Variants in PACS1 observed in about 807,000 individuals in gnomAD.
PACS1 encodes phosphofurin acidic cluster sorting protein 1.
A neutral mutation model predicts 115.0 loss-of-function variants in PACS1; 24 were observed. That is an observed-to-expected ratio of 0.21 (90% confidence interval 0.15 to 0.29). The LOEUF (loss-of-function observed/expected upper bound fraction) is 0.29, where lower values mean the gene tolerates loss of function less well. Among genes scored for constraint, PACS1 ranks in the 10% least tolerant of loss-of-function variants. The pLI is 1.00. For missense variants in PACS1, 838 were observed against 1,251.2 expected (o/e 0.67, Z 4.98); for synonymous variants, 453 against 504.5 (o/e 0.90, Z 1.37).
chr11:66,080,157 A>G (rs1032137954), intron 1 of PACS1, among the ~76,000 whole-genome samples: 1 of 152,198 alleles, frequency 6.6e-6, no homozygotes, highest in Admixed American at 6.5e-5. Flanking sequence ...TGATTTTCCT[A>G]TAGTGTTTTA....
chr11:66,098,761 T>C (rs1441429192), intron 1 of PACS1, among the ~76,000 whole-genome samples: 1 of 152,242 alleles, frequency 6.6e-6, no homozygotes. Context: ...GTCATCCCGG[T>C]TGTTCTTGTC....
At chr11:66,161,585 A>G (rs1859488679) in intron 1 of PACS1, among the ~76,000 whole-genome samples, 3 of 152,214 alleles carry the variant, frequency 2.0e-5, no homozygotes, top group Admixed American at 6.5e-5. Context: ...CTGGGCAATT[A>G]GAAAAAAAAG....
chr11:66,193,435 T>A (rs1170378762), intron 1 of PACS1, 51 bp from the exon 2 acceptor site: 1 of 1,294,134 alleles, frequency 7.7e-7, no homozygotes, highest in Non-Finnish European at 1.1e-6. Context: ...TTCATCACTT[T>A]TCTCGCAAGT....
chr11:66,151,485 C>T (rs546493473), intron 1 of PACS1, among the ~76,000 whole-genome samples: 3 of 152,146 alleles, frequency 2.0e-5, no homozygotes, highest in Admixed American at 6.5e-5. Flanking sequence ...TACACAGAAG[C>T]ATGGGAGACC....
At chr11:66,169,727 C>A (rs1590793557) in intron 1 of PACS1, among the ~76,000 whole-genome samples, 1 of 149,870 alleles carries the variant, frequency 6.7e-6, no homozygotes. Context: ...TTTTTAAATA[C>A]ATTATTTGTT....
chr11:66,226,040 C>T (rs1855464550), intron 10 of PACS1, among the ~76,000 whole-genome samples: 1 of 152,122 alleles, frequency 6.6e-6, no homozygotes, highest in East Asian at 1.9e-4. Flanking sequence ...GGCATGGTGG[C>T]AGACGCTTGT....
chr11:66,170,073 C>T (rs997960032), intron 1 of PACS1, among the ~76,000 whole-genome samples: 1 of 150,572 alleles, frequency 6.6e-6, no homozygotes, highest in Non-Finnish European at 1.5e-5. Flanking sequence ...TAGAAATCTA[C>T]CTTTTTCATC....
intron 1 of PACS1, among the ~76,000 whole-genome samples, chr11:66,148,684 G>T (rs1409608475): frequency 3.3e-5 from 5 of 152,166 alleles, no homozygotes; most frequent in African/African-American, 1.2e-4. Context: ...TCAGCACTTT[G>T]GGAGGCCAAG....
intron 21 of PACS1, chr11:66,240,888 GCCCTTCT>G (rs905435289): frequency 4.6e-5 from 7 of 152,386 alleles, no homozygotes; most frequent in African/African-American, 1.7e-4. Context: ...AGACATACCA[GCCCTTCT>G]CCCGGGAGCT....
chr11:66,099,016 TTTTTC>T (rs1042091109), intron 1 of PACS1, among the ~76,000 whole-genome samples: 1 of 152,040 alleles, frequency 6.6e-6, no homozygotes, highest in Non-Finnish European at 1.5e-5. Context: ...AATGCCATTG[TTTTTC>T]TTTTCTTTTC....
intron 1 of PACS1, among the ~76,000 whole-genome samples, chr11:66,156,853 G>GAA (rs35580702): frequency 7.2e-6 from 1 of 138,658 alleles, no homozygotes; most frequent in Admixed American, 7.3e-5. Flanking sequence ...ACTCTGTCTC[G>GAA]AAAAAAAAAA....
chr11:66,214,565 C>T (rs535010125), intron 4 of PACS1, among the ~76,000 whole-genome samples: 83 of 144,314 alleles, frequency 5.8e-4, no homozygotes, highest in African/African-American at 2.1e-3. Flanking sequence ...CTCCATCTTC[C>T]TTCCTTCCTT....
chr11:66,148,744 G>A (rs1017039576), intron 1 of PACS1, among the ~76,000 whole-genome samples: 4 of 152,092 alleles, frequency 2.6e-5, no homozygotes, highest in African/African-American at 7.2e-5. Context: ...TGGCCAACAT[G>A]GTGAAACCCC....
intron 1 of PACS1, among the ~76,000 whole-genome samples, chr11:66,091,974 A>G (rs1011477044): frequency 3.3e-5 from 5 of 152,258 alleles, no homozygotes; most frequent in Admixed American, 2.6e-4. Context: ...TAGTGCTGCA[A>G]TAAACATACG....
chr11:66,165,956 A>C (rs543462306), intron 1 of PACS1, among the ~76,000 whole-genome samples: 1 of 151,896 alleles, frequency 6.6e-6, no homozygotes, highest in Admixed American at 6.6e-5. Context: ...CAGCCTCCTA[A>C]CTGGTTTTCC....
rs770005837 is a variant in PACS1 at position 66,070,657 on chromosome 11, C to G, written c.171C>G (p.Ser57=). 85 of 1,566,298 alleles carry G rather than the reference C, an allele frequency of 5.4e-5. No individual in the cohort carries two copies. The highest frequency in any genetic ancestry group is 6.4e-5 in the Non-Finnish European group (74 of 1,162,528). ...AGCTGGCCCAGGCCACCTCGTCGTC[C>G]TCGTCCACCTCGGCGGCGGCTGCCT... ...PPKLAQATSS[S]SSTSAAAASS... Residue 57 remains serine, a synonymous_variant, in exon 1 of 24, where the codon TCC becomes TCG. Coordinates refer to ENST00000320580, the MANE Select transcript of PACS1 (RefSeq NM_018026.4). The surrounding 1 kb of genome is among the most constrained non-coding windows in gnomAD (Gnocchi z 5.9).
chr11:66,243,545 G>A lies in PACS1; in HGVS notation c.*265G>A, dbSNP rs1014739372. 10 of 503,558 alleles carry A rather than the reference G, an allele frequency of 2.0e-5. No homozygotes were observed. Among genetic ancestry groups the A allele is most frequent in the Non-Finnish European group, 3.2e-5 (9 of 277,634 alleles). 31.2% of individuals were successfully genotyped at this position (503,558 alleles called of 1,614,324 possible). On this transcript the variant is annotated 3_prime_UTR_variant, in exon 24 of 24. Coordinates refer to ENST00000320580, the MANE Select transcript of PACS1 (RefSeq NM_018026.4). The stretch of plus-strand genomic sequence containing the variant: ...CCAAGGCGTGTTGGTTTTGCCTTCT[G>A]GTGCCCATAGTCCCCTGGACTGAGT...
intron 1 of PACS1, among the ~76,000 whole-genome samples, chr11:66,153,301 A>C (rs2134611715): frequency 6.6e-6 from 1 of 152,264 alleles, no homozygotes; most frequent in Non-Finnish European, 1.5e-5. Context: ...TGCTGGTGAC[A>C]TAAGAAACAA....
intron 1 of PACS1, among the ~76,000 whole-genome samples, chr11:66,095,932 C>CTT (rs1018932767): frequency 6.8e-6 from 1 of 146,296 alleles, no homozygotes; most frequent in Non-Finnish European, 1.5e-5. Flanking sequence ...GTAATTTCTT[C>CTT]TTTTTTTTTT....
Sources: gnomAD v4.1 joint callset for allele counts (sites outside exome capture counted in the v4.1 genomes callset) on GRCh38, gnomAD v4.1.1 for gene constraint, Gnocchi (gnomAD v3.1) non-coding constraint, MANE v1.5 for transcripts, NCBI Gene and HGNC (gene_info 2026-07-23, HGNC 2026-07-21) for gene names.